CNGA1: variants seen among roughly 807,000 people sequenced by gnomAD.
CNGA1 encodes the protein cyclic nucleotide gated channel subunit alpha 1.
In CNGA1, 53 loss-of-function variants were observed where a neutral mutation model predicts 69.7. The ratio of observed to expected loss-of-function variants is 0.76; its 90% CI spans 0.61 to 0.96. The LOEUF is 0.96. CNGA1 is among the 40% of genes least tolerant of loss of function. The pLI is 0.00. For synonymous variants in CNGA1, 249 were observed against 283.5 expected (o/e 0.88, Z 1.22); for missense variants, 739 against 811.2 (o/e 0.91, Z 1.08).
chr4:47,952,755 T>C (rs991789342), intron 3 of CNGA1, 52 bp from the exon 4 acceptor site: 6 of 1,376,352 alleles, frequency 4.4e-6, no homozygotes, highest in Non-Finnish European at 5.9e-6. Flanking sequence ...TATATTTACA[T>C]ATATAATCAA....
chr4:47,988,031 T>G (rs534153600), intron 2 of CNGA1, among the ~76,000 whole-genome samples: 293 of 152,238 alleles, frequency 1.9e-3, no homozygotes, highest in Non-Finnish European at 2.9e-3. Context: ...AGTAATTCAT[T>G]CAGTGAGAGG....
chr4:48,001,807 A>G (rs1483640347), intron 2 of CNGA1, among the ~76,000 whole-genome samples: 1 of 152,152 alleles, frequency 6.6e-6, no homozygotes, highest in Non-Finnish European at 1.5e-5. Context: ...ATCTCAACAC[A>G]TTTCAAAGAA....
chr4:47,962,019 A>G (rs1740466092), intron 3 of CNGA1, among the ~76,000 whole-genome samples: 1 of 152,174 alleles, frequency 6.6e-6, no homozygotes, highest in Non-Finnish European at 1.5e-5. Flanking sequence ...TGAGTAAAAA[A>G]AGAATGCAAG....
chr4:47,961,545 C>T (rs568892412), intron 3 of CNGA1, among the ~76,000 whole-genome samples: 1 of 152,112 alleles, frequency 6.6e-6, no homozygotes, highest in Non-Finnish European at 1.5e-5. Flanking sequence ...GAGTTCCAGA[C>T]CAGCCTGGGC....
In CNGA1 at chr4:47,951,825, G is replaced by A. The variant is rs142560676; in HGVS notation, c.108-356C>T. 6.0e-4 allele frequency among the ~76,000 whole-genome samples: 92 copies of A among 152,144 alleles called. 3 individuals are homozygous for A. The East Asian group carries it at 0.011, about 18-fold the overall frequency. ...GAACTAGTTTTCTAACTAATGTTTCGTCCCACTAAAAGTAAATTCAACCAC... is the reference window on the plus strand; with the variant it reads ...GAACTAGTTTTCTAACTAATGTTTCATCCCACTAAAAGTAAATTCAACCAC... On this transcript the variant is annotated intron_variant, in intron 4 of 10. Transcript: ENST00000514170.
intron 3 of CNGA1, among the ~76,000 whole-genome samples, chr4:47,977,878 G>A (rs1172840842): frequency 6.6e-6 from 1 of 151,160 alleles, no homozygotes; most frequent in Non-Finnish European, 1.5e-5. Context: ...CCAGGCTGGA[G>A]TGCAATGGCA....
At chr4:47,942,192 G>A (rs1441328813) in intron 8 of CNGA1, 44 bp from the exon 9 acceptor site, 2 of 1,205,862 alleles carry the variant, frequency 1.7e-6, no homozygotes, top group Non-Finnish European at 2.5e-6. Flanking sequence ...CAAGATACAA[G>A]AACATTTTTA....
chr4:47,957,892 A>AT lies in CNGA1; in HGVS notation c.-14-5190dup, dbSNP rs544231975. Among the ~76,000 whole-genome samples, 217 of 121,234 alleles carry AT rather than the reference A, an allele frequency of 1.8e-3. 1 individual carries two copies. The highest frequency in any genetic ancestry group is 0.013 in the Middle Eastern group (3 of 228). The allele number at this position is 121,234 out of a possible 152,430, so 79.5% of individuals were successfully genotyped here. A position where few individuals can be genotyped will look rare whatever the true frequency, so the allele number is the denominator to read the frequency against. On this transcript the variant is annotated intron_variant, in intron 3 of 10. Coordinates refer to ENST00000514170, the MANE Select transcript of CNGA1 (RefSeq NM_001379270.1). ...AATGTATCAGATAGATGTGTTTGTAATTTTTTTTTTTTTTTTTTTTGAGAT... is the reference window on the plus strand; with the variant it reads ...AATGTATCAGATAGATGTGTTTGTAATTTTTTTTTTTTTTTTTTTTTGAGAT...
chr4:47,984,010 A>T (rs771406280), intron 2 of CNGA1, among the ~76,000 whole-genome samples: 18 of 152,190 alleles, frequency 1.2e-4, no homozygotes, highest in Non-Finnish European at 2.2e-4. Flanking sequence ...TGGGTTTTTT[A>T]AATCTGAAAT....
intron 3 of CNGA1, among the ~76,000 whole-genome samples, chr4:47,960,760 C>T (rs1740391701): frequency 6.6e-6 from 1 of 152,106 alleles, no homozygotes; most frequent in Non-Finnish European, 1.5e-5. Context: ...AAATGAACTC[C>T]TGATACTTCC....
In CNGA1 at chr4:47,936,672, G is replaced by A. The variant is rs1738662242; in HGVS notation, c.1810C>T (p.Leu604=). 1 of 1,613,998 alleles carries A rather than the reference G, an allele frequency of 6.2e-7. No individual in the cohort carries two copies. The highest frequency in any genetic ancestry group is 1.3e-5 in the African/African-American group (1 of 74,900). The part of the protein sequence containing the change: ...KGKQILMKDG[L]LDLNIANAGS... ...GCATTTGCAATGTTTAGATCCAGTA[G>A]ACCATCTTTCATTAAAATCTGCTTC... The change falls in exon 11 of 11, where the codon CTA becomes TTA. Residue 604 remains leucine, a synonymous_variant. Transcript: ENST00000514170.
intron 2 of CNGA1, among the ~76,000 whole-genome samples, chr4:48,009,280 C>T (rs1715045532): frequency 1.3e-5 from 2 of 151,852 alleles, no homozygotes; most frequent in African/African-American, 4.8e-5. Flanking sequence ...GCCTGGCTAA[C>T]ATGGTGAAAC....
intron 2 of CNGA1, among the ~76,000 whole-genome samples, chr4:47,983,535 A>C (rs956506137): frequency 5.3e-5 from 8 of 152,018 alleles, no homozygotes; most frequent in Admixed American, 5.2e-4. Context: ...GGTTGCAGTG[A>C]GCCGAGATCA....
At chr4:47,978,137 T>C (rs1316683926) in intron 3 of CNGA1, among the ~76,000 whole-genome samples, 2 of 152,194 alleles carry the variant, frequency 1.3e-5, no homozygotes, top group Non-Finnish European at 1.5e-5. Context: ...TAAGTGATTT[T>C]TATCCTATTT....
intron 3 of CNGA1, among the ~76,000 whole-genome samples, chr4:47,954,264 T>TC (rs1739926790): frequency 1.3e-5 from 2 of 152,124 alleles, no homozygotes; most frequent in Admixed American, 1.3e-4. Flanking sequence ...GAAAGTCACC[T>TC]CCACTGTTCA....
At chr4:47,974,620 C>A (rs370224850) in intron 3 of CNGA1, among the ~76,000 whole-genome samples, 9 of 152,054 alleles carry the variant, frequency 5.9e-5, no homozygotes, top group Non-Finnish European at 1.3e-4. Context: ...TGTTATATAG[C>A]ATGGTAAAAA....
chr4:48,009,717 T>C (rs1296449279), intron 2 of CNGA1, among the ~76,000 whole-genome samples: 1 of 151,950 alleles, frequency 6.6e-6, no homozygotes, highest in Non-Finnish European at 1.5e-5. Flanking sequence ...GGCAGGAGAA[T>C]TGCTTAAACC....
intron 3 of CNGA1, among the ~76,000 whole-genome samples, chr4:47,955,712 T>A (rs1238546478): frequency 6.6e-6 from 1 of 152,222 alleles, no homozygotes; most frequent in Non-Finnish European, 1.5e-5. Flanking sequence ...CCTAGGTAAT[T>A]GCTTCCTTCT....
intron 3 of CNGA1, among the ~76,000 whole-genome samples, chr4:47,961,995 G>A (rs1223400691): frequency 2.0e-5 from 3 of 152,168 alleles, no homozygotes; most frequent in Non-Finnish European, 2.9e-5. Context: ...GAATTGAAAT[G>A]TGCTGGAAGT....
Sources: allele counts gnomAD v4.1 joint callset (sites outside exome capture counted in the v4.1 genomes callset), GRCh38; gene constraint gnomAD v4.1.1; transcripts MANE v1.5; gene names NCBI Gene and HGNC (gene_info 2026-07-23, HGNC 2026-07-21).